ITGB1: variants seen among roughly 807,000 people sequenced by gnomAD.
ITGB1 encodes the protein integrin subunit beta 1.
ITGB1 carries 24 observed loss-of-function variants against 86.5 expected under a neutral mutation model. The observed-to-expected ratio is 0.28, with a 90% CI of 0.20 to 0.39. The LOEUF (loss-of-function observed/expected upper bound fraction) is 0.39, where lower values mean the gene tolerates loss of function less well. Among genes scored for constraint, ITGB1 ranks in the 10% least tolerant of loss-of-function variants. The probability of loss-of-function intolerance (pLI) is 1.00; values close to 1 mark genes in which losing one functional copy is unlikely to be tolerated. For synonymous variants in ITGB1, 323 were observed against 316.8 expected, an observed-to-expected ratio of 1.02 and a Z score of -0.21; for missense variants, 556 against 946.9, an observed-to-expected ratio of 0.59 and a Z score of 5.42.
At chr10:32,913,799 T>A (rs535928380) in intron 11 of ITGB1, among the ~76,000 whole-genome samples, 10 of 152,074 alleles carry the variant, frequency 6.6e-5, no homozygotes, top group Non-Finnish European at 1.3e-4. Flanking sequence ...ACATTCAAAT[T>A]CAGGAAATAC....
At chr10:32,946,770 T>A (rs984396390) in intron 1 of ITGB1, among the ~76,000 whole-genome samples, 5 of 134,654 alleles carry the variant, frequency 3.7e-5, no homozygotes, top group Non-Finnish European at 8.1e-5. Context: ...GGGGGATTAT[T>A]TTCCTTTTCT....
chr10:32,922,298 T>C lies in ITGB1; in HGVS notation c.1087A>G (p.Asn363Asp). Reference sequence around the variant, plus strand: ...ATCAACTGAATTACATTGCTAGAATTTGCAGATAATGTTCCTACTGCTGAC... The same window carrying C: ...ATCAACTGAATTACATTGCTAGAATCTGCAGATAATGTTCCTACTGCTGAC... ...PKSAVGTLSA[N>D]SSNVIQLIID... Residue 363 changes from asparagine to aspartate, a missense_variant, in exon 9 of 16, where the codon AAT becomes GAT. Around this residue, in one of 4 missense-constraint regions of ITGB1, gnomAD observed 330 missense variants for 531.5 expected, o/e 0.62. Coordinates refer to ENST00000302278, the MANE Select transcript of ITGB1 (RefSeq NM_002211.4). The C allele has an allele frequency of 6.2e-7, 1 of 1,610,152 alleles. No homozygotes were observed. Among genetic ancestry groups the C allele is most frequent in the Non-Finnish European group, 8.5e-7 (1 of 1,178,216 alleles).
chr10:32,955,170 C>T (rs999084615), intron 1 of ITGB1, among the ~76,000 whole-genome samples: 2 of 152,152 alleles, frequency 1.3e-5, no homozygotes, highest in African/African-American at 2.4e-5. Context: ...TGTATCTTAA[C>T]GTCTCTACTC....
chr10:32,943,863 T>TAA (rs2095024871), intron 1 of ITGB1, among the ~76,000 whole-genome samples: 1 of 152,174 alleles, frequency 6.6e-6, no homozygotes, highest in South Asian at 2.1e-4. Context: ...CCATACTGAG[T>TAA]ACCTGGGGGC....
intron 11 of ITGB1, among the ~76,000 whole-genome samples, chr10:32,916,120 C>T (rs1278740142): frequency 1.3e-5 from 2 of 152,116 alleles, no homozygotes; most frequent in Non-Finnish European, 2.9e-5. Flanking sequence ...GCCCTTCATG[C>T]TAAAAACTCT....
chr10:32,926,237 AC>A (rs1196519752), intron 5 of ITGB1, 128 bp from the exon 6 acceptor site: 2 of 699,290 alleles, frequency 2.9e-6, no homozygotes, highest in African/African-American at 3.6e-5. Flanking sequence ...TGTCTGTGTT[AC>A]CCCAAAATTC....
chr10:32,937,554 C>CAAAAAAA lies in ITGB1; in HGVS notation c.1-2003_1-1997dup, dbSNP rs56280552. 4.4e-5 allele frequency among the ~76,000 whole-genome samples: 4 copies of CAAAAAAA among 91,866 alleles called. 1 individual carries two copies. Among genetic ancestry groups the CAAAAAAA allele is most frequent in the Admixed American group, 1.1e-4 (1 of 8,824 alleles). The allele number at this position is 91,866 out of a possible 152,430, so 60.3% of individuals were successfully genotyped here. On this transcript the variant is annotated intron_variant, in intron 1 of 15. Transcript: ENST00000302278. ...CTGGCGAAAGAGCGAGACTCCGTCTCAAAAAAAAAAAAAAAAAAAAAAAAG... is the reference window on the plus strand; with the variant it reads ...CTGGCGAAAGAGCGAGACTCCGTCTCAAAAAAAAAAAAAAAAAAAAAAAAAAAAAAAG...
intron 1 of ITGB1, chr10:32,944,397 G>A: frequency 3.4e-6 from 1 of 297,534 alleles, no homozygotes; most frequent in Non-Finnish European, 6.5e-6. Context: ...GGTCTGTAAA[G>A]GGGCGTCTAC....
At chr10:32,910,546 C>T in intron 13 of ITGB1, 91 bp from the exon 14 acceptor site, 1 of 776,038 alleles carries the variant, frequency 1.3e-6, no homozygotes, top group Non-Finnish European at 2.0e-6. Context: ...ACTCTTGTGA[C>T]CAAATTGAAC....
At chr10:32,936,475 A>G (rs547230997) in intron 1 of ITGB1, among the ~76,000 whole-genome samples, 1 of 152,206 alleles carries the variant, frequency 6.6e-6, no homozygotes, top group Admixed American at 6.5e-5. Flanking sequence ...TGCATGCAAT[A>G]AGTAAAATAC....
chr10:32,903,364 A>AG (rs1413079844), intron 15 of ITGB1, among the ~76,000 whole-genome samples: 13 of 149,490 alleles, frequency 8.7e-5, no homozygotes, highest in African/African-American at 3.0e-4. Flanking sequence ...AAAAAAAAAA[A>AG]AAAAAAAAAG....
At position 32,923,606 on chromosome 10, in the gene ITGB1, C is replaced by T. The variant is rs754358100; in HGVS notation, c.921G>A (p.Met307Ile). The change falls in exon 7 of 16, where the codon ATG becomes ATA. Residue 307 changes from methionine (M) to isoleucine (I), a missense_variant. Transcript: ENST00000302278. ...NDGQCHLENN[M>I]YTMSHYYDYP... ...TTACATAATAATGGCTCATTGTGTA[C>T]ATATTATTTTCCAGGTGACATTGTC... is the stretch of plus-strand genomic sequence containing the variant. The T allele has an allele frequency of 3.7e-6, 6 of 1,613,334 alleles. No homozygotes were observed. The highest frequency in any genetic ancestry group is 4.2e-6 in the Non-Finnish European group (5 of 1,179,580).
At chr10:32,929,771 T>A in intron 4 of ITGB1, 51 bp downstream of exon 4, 1 of 1,028,430 alleles carries the variant, frequency 9.7e-7, no homozygotes, top group South Asian at 1.3e-5. Context: ...AAAGCTGGTG[T>A]CGAATGCCTC....
chr10:32,919,892 C>T lies in ITGB1; in HGVS notation c.1462G>A (p.Ala488Thr), dbSNP rs749899655. 2.2e-5 allele frequency: 36 copies of T among 1,614,014 alleles called. No individual in the cohort carries two copies. The highest frequency in any genetic ancestry group is 2.7e-5 in the Non-Finnish European group (32 of 1,179,920). Residue 488 changes from alanine to threonine, a missense_variant, in exon 11 of 16, where the codon GCG (alanine) becomes ACG (threonine). Physicochemically the swap from Ala to Thr is moderately conservative, Grantham distance 58 (BLOSUM62 0). Coordinates refer to ENST00000302278, the MANE Select transcript of ITGB1 (RefSeq NM_002211.4). ...HEGNGTFECG[A>T]CRCNEGRVGR... Reference sequence around the variant, plus strand: ...TGACAACACCCAGCTTACCTGCACGCGCCACACTCAAATGTCCCATTTCCT... The same window carrying T: ...TGACAACACCCAGCTTACCTGCACGTGCCACACTCAAATGTCCCATTTCCT...
rs142798335 is a variant in ITGB1 at position 32,904,552 on chromosome 10, T to C, written c.2332-2917A>G. ...TGTGACATGTTCTTCTTAATGTTCC[T>C]ACATGGTAGTCTTCTGCCAAAGTAA... On this transcript the variant is annotated intron_variant, in intron 15 of 15. Transcript: ENST00000302278. Among the ~76,000 whole-genome samples the C allele has an allele frequency of 2.0e-3, 300 of 152,368 alleles. 10 individuals carry two copies. The highest frequency in any genetic ancestry group is 0.016 in the Admixed American group (247 of 15,302).
At chr10:32,954,702 T>C (rs1416985085) in intron 1 of ITGB1, among the ~76,000 whole-genome samples, 2 of 152,136 alleles carry the variant, frequency 1.3e-5, no homozygotes, top group African/African-American at 2.4e-5. Context: ...TACAATGAGA[T>C]TGGTCCTATA....
rs191287028 is a variant in ITGB1, at chr10:32,928,320, C to T, written c.377-56G>A. 1,651 of 720,000 alleles carry T rather than the reference C, an allele frequency of 2.3e-3. 12 individuals are homozygous for T. The highest frequency in any genetic ancestry group is 7.7e-3 in the South Asian group (442 of 57,494). 44.6% of individuals were successfully genotyped at this position (720,000 alleles called of 1,614,324 possible). On this transcript the variant is annotated intron_variant, in intron 4 of 15. Transcript: ENST00000302278. ...TTGCCTGTTGGCAATCAAACGCAAA[C>T]GAGAAAAACCAAATAAATGTGGTTT...
chr10:32,912,982 C>A (rs1440937931), intron 11 of ITGB1, among the ~76,000 whole-genome samples: 2 of 152,304 alleles, frequency 1.3e-5, no homozygotes, highest in East Asian at 3.9e-4. Flanking sequence ...AAGGATCAGG[C>A]AGCAACATTT....
chr10:32,910,773 G>A (rs529049928), intron 13 of ITGB1, among the ~76,000 whole-genome samples: 2 of 151,342 alleles, frequency 1.3e-5, no homozygotes, highest in Non-Finnish European at 2.9e-5. Context: ...TTTTGCGATG[G>A]AGTCTTGTTC....
Sources: gnomAD v4.1 joint callset for allele counts (sites outside exome capture counted in the v4.1 genomes callset) on GRCh38, gnomAD v4.1.1 for gene constraint, gnomAD v4.1.1 regional missense constraint, MANE v1.5 for transcripts, NCBI Gene and HGNC (gene_info 2026-07-23, HGNC 2026-07-21) for gene names.